Variants in DUSP22 observed in about 807,000 individuals in gnomAD.
The protein encoded by DUSP22 is dual specificity phosphatase 22, also known as dual specificity protein phosphatase 22.
DUSP22 carries 24 observed loss-of-function variants against 24.5 expected under a neutral mutation model. The ratio of observed to expected loss-of-function variants is 0.98; its 90% CI spans 0.71 to 1.38. DUSP22 has a LOEUF of 1.38. DUSP22 is among the 40% of genes most tolerant of loss of function. The probability of loss-of-function intolerance (pLI) is 0.00; values close to 1 mark genes in which losing one functional copy is unlikely to be tolerated. For synonymous variants in DUSP22, 160 were observed against 106.4 expected, an observed-to-expected ratio of 1.50 and a Z score of -3.10; for missense variants, 330 against 269.2, an observed-to-expected ratio of 1.23 and a Z score of -1.58.
intron 3 of DUSP22, among the ~76,000 whole-genome samples, chr6:327,163 T>C (rs1424831437): frequency 6.6e-6 from 1 of 152,296 alleles, no homozygotes; most frequent in African/African-American, 2.4e-5. Context: ...GAGAGGAAAC[T>C]AAGAGCTTCC....
At chr6:324,449 C>G (rs1261771413) in intron 3 of DUSP22, among the ~76,000 whole-genome samples, 8 of 152,310 alleles carry the variant, frequency 5.3e-5, no homozygotes, top group Non-Finnish European at 1.2e-4. Context: ...CAGCACGTCT[C>G]TAATATTAAC....
At position 348,119 on chromosome 6, in the gene DUSP22, A is replaced by G; in HGVS notation, c.280A>G (p.Arg94Gly). The change falls in exon 6 of 7, where the codon AGG becomes GGG. Residue 94 changes from arginine to glycine, a missense_variant. Transcript: ENST00000419235. ...CLVHCLAGVS[R>G]SVTLVIAYIM... ...GCCCCGCAGCCTGGCCGGGGTCTCC[A>G]GGAGCGTGACACTGGTGATCGCATA... 3 of 1,614,272 alleles carry G rather than the reference A, an allele frequency of 1.9e-6. No homozygotes were observed. The highest frequency in any genetic ancestry group is 2.5e-6 in the Non-Finnish European group (3 of 1,180,050).
At chr6:335,003 TCTC>T in intron 3 of DUSP22, 108 bp from the exon 4 acceptor site, 4 of 1,280,848 alleles carry the variant, frequency 3.1e-6, no homozygotes, top group South Asian at 1.4e-5. Context: ...GTGAAAAACT[TCTC>T]CTTTTTATTT....
intron 4 of DUSP22, among the ~76,000 whole-genome samples, chr6:339,298 A>T (rs1265492767): frequency 6.6e-6 from 1 of 152,306 alleles, no homozygotes; most frequent in African/African-American, 2.4e-5. Flanking sequence ...CTCTTCTCTC[A>T]TCTGTAAAAT....
At chr6:336,756 A>G (rs1308569574) in intron 4 of DUSP22, among the ~76,000 whole-genome samples, 9 of 152,292 alleles carry the variant, frequency 5.9e-5, no homozygotes. Flanking sequence ...AAAACAGAGT[A>G]GCACTCTAGG....
intron 4 of DUSP22, among the ~76,000 whole-genome samples, chr6:338,609 A>G (rs535384966): frequency 1.8e-4 from 27 of 152,422 alleles, no homozygotes; most frequent in African/African-American, 6.0e-4. Context: ...TGTGTTCTGC[A>G]GGACCTAAAC....
At chr6:296,071 A>G (rs1165827740) in intron 1 of DUSP22, among the ~76,000 whole-genome samples, 2 of 152,422 alleles carry the variant, frequency 1.3e-5, no homozygotes, top group African/African-American at 2.4e-5. Flanking sequence ...CTAAAAAGTA[A>G]CTTGAAAAGC....
chr6:307,186 C>T (rs568584427), intron 2 of DUSP22, among the ~76,000 whole-genome samples: 22 of 152,416 alleles, frequency 1.4e-4, no homozygotes, highest in South Asian at 6.2e-4. Flanking sequence ...TTTAAAATTA[C>T]GAGTAATATG....
At chr6:314,363 G>A (rs1221157118) in intron 3 of DUSP22, among the ~76,000 whole-genome samples, 1 of 152,280 alleles carries the variant, frequency 6.6e-6, no homozygotes, top group Non-Finnish European at 1.5e-5. Context: ...AAATGGAAGG[G>A]TTTTGGTCCT....
chr6:342,670 A>G (rs1759664822), intron 4 of DUSP22, among the ~76,000 whole-genome samples: 1 of 152,306 alleles, frequency 6.6e-6, no homozygotes, highest in South Asian at 2.1e-4. Flanking sequence ...TCTAAGGGAG[A>G]GAGACACTTG....
intron 4 of DUSP22, among the ~76,000 whole-genome samples, chr6:336,623 G>A (rs568688415): frequency 2.6e-5 from 4 of 152,422 alleles, no homozygotes; most frequent in Admixed American, 6.5e-5. Context: ...GGAGGGGAAC[G>A]GGAGGTGGGA....
At chr6:322,727 G>A (rs150801289) in intron 3 of DUSP22, among the ~76,000 whole-genome samples, 7 of 152,116 alleles carry the variant, frequency 4.6e-5, no homozygotes, top group Admixed American at 3.9e-4. Flanking sequence ...GGACAGCACC[G>A]TGTGTGGCTG....
intron 5 of DUSP22, 74 bp downstream of exon 5, chr6:346,002 T>C: frequency 6.4e-7 from 1 of 1,574,006 alleles, no homozygotes; most frequent in Non-Finnish European, 8.7e-7. Flanking sequence ...TGTTTTTCCG[T>C]GTGTGAATAA....
intron 3 of DUSP22, among the ~76,000 whole-genome samples, chr6:330,611 A>C (rs1384606103): frequency 6.6e-6 from 1 of 152,304 alleles, no homozygotes; most frequent in African/African-American, 2.4e-5. Flanking sequence ...AGAAAGGTAA[A>C]AACCTTACTT....
chr6:332,284 T>A (rs1292061737), intron 3 of DUSP22, among the ~76,000 whole-genome samples: 1 of 152,306 alleles, frequency 6.6e-6, no homozygotes, highest in Admixed American at 6.5e-5. Flanking sequence ...TTGGGAGCCA[T>A]TTTGTTCCTC....
chr6:348,144 A>T lies in DUSP22; in HGVS notation c.305A>T (p.Tyr102Phe). 6.2e-7 allele frequency: 1 copy of T among 1,614,302 alleles called. No homozygotes were observed. Among genetic ancestry groups the T allele is most frequent in the Non-Finnish European group, 8.5e-7 (1 of 1,180,058 alleles). Residue 102 changes from tyrosine (Y) to phenylalanine (F), a missense_variant, in exon 6 of 7, where the codon TAC (tyrosine) becomes TTC (phenylalanine). By Grantham distance (22) the Tyr-to-Phe change is conservative. Transcript: ENST00000419235. ...VSRSVTLVIA[Y>F]IMTVTDFGWE... ...AGGAGCGTGACACTGGTGATCGCATACATCATGACCGTCACTGACTTTGGC... is the reference window on the plus strand; with the variant it reads ...AGGAGCGTGACACTGGTGATCGCATTCATCATGACCGTCACTGACTTTGGC...
intron 3 of DUSP22, among the ~76,000 whole-genome samples, chr6:314,646 A>C (rs1336947715): frequency 6.6e-6 from 1 of 152,300 alleles, no homozygotes; most frequent in African/African-American, 2.4e-5. Flanking sequence ...GAAGGTTCAC[A>C]GTTGTGTTGT....
chr6:318,154 C>T (rs1448851560), intron 3 of DUSP22, among the ~76,000 whole-genome samples: 1 of 152,306 alleles, frequency 6.6e-6, no homozygotes, highest in Non-Finnish European at 1.5e-5. Context: ...AACCAGTAAT[C>T]CCCTGTGCAG....
chr6:349,080 T>A lies in DUSP22; in HGVS notation c.*129T>A. 2 of 1,470,702 alleles carry A rather than the reference T, an allele frequency of 1.4e-6. No homozygotes were observed. The highest frequency in any genetic ancestry group is 1.8e-6 in the Non-Finnish European group (2 of 1,112,352). 91.1% of individuals were successfully genotyped at this position (1,470,702 alleles called of 1,614,324 possible). A position where few individuals can be genotyped will look rare whatever the true frequency, so the allele number is the denominator to read the frequency against. ...CAGGGCGAGGTGGGGCGAGGGCTCC[T>A]TCCCCCAAGCAACACCGCCCAGCCC... On this transcript the variant is annotated 3_prime_UTR_variant, in exon 7 of 7. Transcript: ENST00000419235.
Sources: allele counts gnomAD v4.1 joint callset (sites outside exome capture counted in the v4.1 genomes callset), GRCh38; gene constraint gnomAD v4.1.1; transcripts MANE v1.5; gene names NCBI Gene and HGNC (gene_info 2026-07-23, HGNC 2026-07-21).